The following SNTG2 variants were observed in gnomAD, a reference collection of about 807,000 sequenced individuals.
SNTG2 encodes syntrophin gamma 2, also known as gamma-2-syntrophin.
A neutral mutation model predicts 70.9 loss-of-function variants in SNTG2; 74 were observed. The observed-to-expected ratio is 1.04, with a 90% CI of 0.86 to 1.27. The LOEUF (loss-of-function observed/expected upper bound fraction) is 1.27. SNTG2 is among the 50% of genes most tolerant of loss of function. The pLI, the probability that SNTG2 is intolerant of heterozygous loss-of-function variation, is 0.00. For missense variants in SNTG2, 717 were observed against 690.7 expected (o/e 1.04, Z -0.43); for synonymous variants, 278 against 273.8 (o/e 1.02, Z -0.15).
chr2:1,249,388 C>A (rs534669103), intron 12 of SNTG2, among the ~76,000 whole-genome samples: 52 of 152,160 alleles, frequency 3.4e-4, no homozygotes, highest in African/African-American at 1.2e-3. Flanking sequence ...AACAAATATA[C>A]TTGACCGAGG....
intron 1 of SNTG2, among the ~76,000 whole-genome samples, chr2:1,072,261 C>T (rs1663611389): frequency 6.6e-6 from 1 of 151,724 alleles, no homozygotes; most frequent in African/African-American, 2.4e-5. Context: ...AGCTGACTCT[C>T]TGACTCTCTT....
chr2:1,190,991 A>G (rs1237189218), intron 8 of SNTG2, among the ~76,000 whole-genome samples: 1 of 152,214 alleles, frequency 6.6e-6, no homozygotes, highest in Non-Finnish European at 1.5e-5. Flanking sequence ...AGCTGAATTT[A>G]CATGCTCCTT....
chr2:1,162,087 A>AAG, intron 6 of SNTG2, among the ~76,000 whole-genome samples: 1 of 151,592 alleles, frequency 6.6e-6, no homozygotes, highest in African/African-American at 2.4e-5. Flanking sequence ...AAAAAAAAAA[A>AAG]AAAAAAGTGC....
intron 2 of SNTG2, among the ~76,000 whole-genome samples, chr2:1,091,195 G>A (rs1161494497): frequency 1.3e-5 from 2 of 152,186 alleles, no homozygotes; most frequent in Non-Finnish European, 1.5e-5. Flanking sequence ...CAGGTGTGGA[G>A]CTGGCAGGTG....
intron 15 of SNTG2, among the ~76,000 whole-genome samples, chr2:1,315,892 A>G (rs866736068): frequency 6.6e-6 from 1 of 152,266 alleles, no homozygotes; most frequent in South Asian, 2.1e-4. Flanking sequence ...GAAGTTCTCC[A>G]AGCAGAAAAA....
chr2:1,317,601 G>A (rs1470265967), intron 16 of SNTG2, among the ~76,000 whole-genome samples: 1 of 116,992 alleles, frequency 8.5e-6, no homozygotes, highest in Admixed American at 9.1e-5. Context: ...GGAGAAGGTT[G>A]GGATTCTGGA....
chr2:1,146,926 C>T (rs1042186795), intron 6 of SNTG2, among the ~76,000 whole-genome samples: 1 of 152,194 alleles, frequency 6.6e-6, no homozygotes, highest in African/African-American at 2.4e-5. Flanking sequence ...AGTATTTCCT[C>T]CTCCTTTTGT....
At chr2:1,004,560 G>A (rs939095958) in intron 1 of SNTG2, among the ~76,000 whole-genome samples, 2 of 151,804 alleles carry the variant, frequency 1.3e-5, no homozygotes, top group Admixed American at 1.3e-4. Flanking sequence ...AAGCATATGA[G>A]GATGCTCAAT....
At chr2:1,083,445 C>A in intron 1 of SNTG2, 73 bp from the exon 2 acceptor site, 1 of 1,529,178 alleles carries the variant, frequency 6.5e-7, no homozygotes, top group Non-Finnish European at 9.0e-7. Context: ...GAGCAGGAGG[C>A]GTGCGTCACC....
intron 14 of SNTG2, among the ~76,000 whole-genome samples, chr2:1,273,238 G>T (rs564485318): frequency 2.0e-5 from 3 of 152,272 alleles, no homozygotes; most frequent in Non-Finnish European, 2.9e-5. Flanking sequence ...TCTGGACTTA[G>T]GTTTGCTCTC....
chr2:1,293,157 C>CTTT (rs71400092), intron 14 of SNTG2, among the ~76,000 whole-genome samples: 18,727 of 129,454 alleles, frequency 0.14, 1,158 homozygotes, highest in South Asian at 0.22. Context: ...TACTCTGTTA[C>CTTT]TTTTTTTTTT....
At chr2:974,427 C>G (rs1005415158) in intron 1 of SNTG2, among the ~76,000 whole-genome samples, 5 of 152,314 alleles carry the variant, frequency 3.3e-5, no homozygotes, top group African/African-American at 1.2e-4. Context: ...CTGATCCTGC[C>G]TCTTTTCCAG....
In SNTG2 at chr2:1,258,345, C is replaced by G. The variant is rs886998699; in HGVS notation, c.1006-1025C>G. ...CCTGAATACCAGATCCAAAAGGAAC[C>G]TTAAAGTTCGTATTCTAATTGGCCA... is the stretch of plus-strand genomic sequence containing the variant. On this transcript the variant is annotated intron_variant, in intron 12 of 16. Transcript: ENST00000308624. Among the ~76,000 whole-genome samples, 11 of 152,318 alleles carry G rather than the reference C, an allele frequency of 7.2e-5. No individual in the cohort carries two copies. In the East Asian group the frequency reaches 2.1e-3, roughly 29 times the overall value.
chr2:1,348,694 C>T (rs1660425794), intron 16 of SNTG2, among the ~76,000 whole-genome samples: 1 of 152,188 alleles, frequency 6.6e-6, no homozygotes, highest in African/African-American at 2.4e-5. Flanking sequence ...CCCTAACCAC[C>T]TTGGGAACAT....
intron 1 of SNTG2, among the ~76,000 whole-genome samples, chr2:1,027,675 C>T (rs1343137294): frequency 5.1e-5 from 7 of 136,450 alleles, no homozygotes; most frequent in African/African-American, 2.8e-5. Context: ...ACTGAAGGTG[C>T]GTCTGACCTA....
At chr2:1,171,168 A>G (rs1253796202) in intron 7 of SNTG2, among the ~76,000 whole-genome samples, 2 of 152,188 alleles carry the variant, frequency 1.3e-5, no homozygotes, top group Admixed American at 1.3e-4. Flanking sequence ...ATGGACTTTT[A>G]TTTGTGATAG....
intron 1 of SNTG2, among the ~76,000 whole-genome samples, chr2:969,719 T>C (rs1660679709): frequency 6.6e-6 from 1 of 152,224 alleles, no homozygotes; most frequent in African/African-American, 2.4e-5. Flanking sequence ...TTTTATATCC[T>C]GAAACTTTGC....
intron 14 of SNTG2, among the ~76,000 whole-genome samples, chr2:1,289,080 C>T (rs540775390): frequency 6.6e-6 from 1 of 152,128 alleles, no homozygotes; most frequent in African/African-American, 2.4e-5. Flanking sequence ...TGCTCTCTGC[C>T]ATCATCTCTG....
intron 1 of SNTG2, among the ~76,000 whole-genome samples, chr2:965,349 GTCCTCCTCCTGGTCCCCAA>G (rs1311214297): frequency 0.017 from 1,560 of 89,170 alleles, 80 homozygotes; most frequent in African/African-American, 0.071. Flanking sequence ...CTGGTCCCCA[GTCCTCCTCCTGGTCCCCAA>G]TCCTCCTCCT....
Sources: allele counts gnomAD v4.1 joint callset (sites outside exome capture counted in the v4.1 genomes callset), GRCh38; gene constraint gnomAD v4.1.1; transcripts MANE v1.5; gene names NCBI Gene and HGNC (gene_info 2026-07-23, HGNC 2026-07-21).